HDGFL3: variants seen among roughly 807,000 people sequenced by gnomAD.
HDGFL3 encodes the protein hepatoma-derived growth factor-related protein 3.
HDGFL3 carries 6 observed loss-of-function variants against 27.6 expected under a neutral mutation model. That is an observed-to-expected ratio of 0.22 (90% CI 0.12 to 0.43). The LOEUF is 0.43. HDGFL3 is among the 20% of genes least tolerant of loss of function. The pLI, the probability that HDGFL3 is intolerant of heterozygous loss-of-function variation, is 1.00. For synonymous variants in HDGFL3, 88 were observed against 88.9 expected, an observed-to-expected ratio of 0.99 and a Z score of 0.05; for missense variants, 207 against 250.1, an observed-to-expected ratio of 0.83 and a Z score of 1.16.
Position 83,157,519 on chromosome 15 carries a change from C to A in HDGFL3, c.355G>T (p.Asp119Tyr). The A allele has an allele frequency of 6.2e-7, 1 of 1,613,642 alleles. No individual in the cohort carries two copies. The highest frequency in any genetic ancestry group is 8.5e-7 in the Non-Finnish European group (1 of 1,179,558). Residue 119 changes from aspartate (D) to tyrosine (Y), a missense_variant, in exon 4 of 6, where the codon GAT (aspartate) becomes TAT (tyrosine). By Grantham distance (160) the Asp-to-Tyr change is radical. Transcript: ENST00000299633. ...ETEGEGGNTA[D>Y]ASSEEEGDRV... ...TCACCTTCTTCCTCACTGCTTGCAT[C>A]TGCAGTATTTCCACCTTCTCCCTCA...
At position 83,113,895 on chromosome 15, in the gene HDGFL3, T is replaced by C. The variant is rs1399319774; in HGVS notation, c.*1814A>G. On this transcript the variant is annotated 3_prime_UTR_variant, in exon 4 of 4. Coordinates refer to the HDGFL3 transcript ENST00000568294. The stretch of plus-strand genomic sequence containing the variant: ...AGGGCCAAGCCCATCAGCAACAGCA[T>C]AGGGAGCATTCTCTGCCTACAGTGG... 3.9e-5 allele frequency: 6 copies of C among 152,382 alleles called. No homozygotes were observed. In the East Asian group the frequency reaches 9.7e-4, roughly 25 times the overall value. The allele number at this position is 152,382 out of a possible 1,614,324, so 9.4% of individuals were successfully genotyped here. A position where few individuals can be genotyped will look rare whatever the true frequency, so the allele number is the denominator to read the frequency against.
downstream of HDGFL3, chr15:83,127,550 T>C (rs1263577260): frequency 2.4e-5 from 37 of 1,558,590 alleles, no homozygotes; most frequent in Non-Finnish European, 3.2e-5. Flanking sequence ...GAAAAACTTC[T>C]CTGCTCAGTG....
rs117183647 is a variant in HDGFL3 at position 83,158,752 on chromosome 15, C to T, written c.162-711G>A. On this transcript the variant is annotated intron_variant, in intron 2 of 5. Coordinates refer to ENST00000299633, the MANE Select transcript of HDGFL3 (RefSeq NM_016073.4). ...GTATATATAGGTTTCATACTATCCACGGTTTTAGGCATCCACTGGAGGTCT... is the reference window on the plus strand; with the variant it reads ...GTATATATAGGTTTCATACTATCCATGGTTTTAGGCATCCACTGGAGGTCT... Among the ~76,000 whole-genome samples the T allele has an allele frequency of 3.2e-4, 48 of 152,280 alleles. 1 individual carries two copies. The East Asian group carries it at 8.5e-3, about 27-fold the overall frequency.
downstream of HDGFL3, chr15:83,127,662 T>C (rs965700427): frequency 5.2e-6 from 3 of 572,928 alleles, no homozygotes; most frequent in Non-Finnish European, 9.1e-6. Context: ...ACAATAACTA[T>C]ATGGTAGATG....
At chr15:83,171,376 A>T (rs749051663) in intron 1 of HDGFL3, among the ~76,000 whole-genome samples, 1 of 152,220 alleles carries the variant, frequency 6.6e-6, no homozygotes, top group Non-Finnish European at 1.5e-5. Context: ...CATTTGACCC[A>T]GCAATCCCAT....
In HDGFL3 at chr15:83,139,279, TAA is replaced by T. The variant is rs746488383; in HGVS notation, c.607-6_607-5del. 16,784 of 1,168,728 alleles carry T rather than the reference TAA, an allele frequency of 0.014. No homozygotes were observed. Among genetic ancestry groups the T allele is most frequent in the South Asian group, 0.028 (1,524 of 54,434 alleles). The allele number at this position is 1,168,728 out of a possible 1,614,324, so 72.4% of individuals were successfully genotyped here. ...GCATTCATTATGGTAGTTAGGTCTGTAAAAAAAAAAAAAAGAAAGAAAACAAG... is the reference window on the plus strand; with the variant it reads ...GCATTCATTATGGTAGTTAGGTCTGTAAAAAAAAAAAAGAAAGAAAACAAG... On this transcript the variant is annotated splice_polypyrimidine_tract_variant and splice_region_variant and intron_variant, in intron 5 of 5. Transcript: ENST00000299633.
At chr15:83,179,191 T>C (rs1596561094) in intron 1 of HDGFL3, 2 of 152,320 alleles carry the variant, frequency 1.3e-5, no homozygotes, top group East Asian at 3.8e-4. Flanking sequence ...TGGGGCATTC[T>C]GTTTCGGAGT....
chr15:83,153,400 G>C (rs1327236714), intron 4 of HDGFL3, among the ~76,000 whole-genome samples: 1 of 152,098 alleles, frequency 6.6e-6, no homozygotes, highest in Non-Finnish European at 1.5e-5. Flanking sequence ...TTATAAATTA[G>C]TTTATAAGTA....
intron 5 of HDGFL3, among the ~76,000 whole-genome samples, chr15:83,140,457 A>G (rs571849987): frequency 6.6e-6 from 1 of 150,716 alleles, no homozygotes; most frequent in Admixed American, 6.7e-5. Context: ...AGAACAATGA[A>G]AAATTGTTAG....
intron 3 of HDGFL3, chr15:83,122,655 CATAGCAAAATTTT>C: frequency 7.4e-7 from 1 of 1,342,902 alleles, no homozygotes; most frequent in Non-Finnish European, 1.0e-6. Flanking sequence ...TTGTCTGGCC[CATAGCAAAATTTT>C]AGATGACCTG....
chr15:83,169,881 T>A (rs1002258967), intron 1 of HDGFL3, among the ~76,000 whole-genome samples: 1 of 152,164 alleles, frequency 6.6e-6, no homozygotes, highest in Non-Finnish European at 1.5e-5. Flanking sequence ...AGTTTCTGGA[T>A]ACAAAATCAA....
chr15:83,160,801 C>T (rs1257662172), intron 2 of HDGFL3, among the ~76,000 whole-genome samples: 2 of 152,070 alleles, frequency 1.3e-5, no homozygotes, highest in Non-Finnish European at 2.9e-5. Flanking sequence ...AGGGTTGATC[C>T]CTCGCATTGT....
chr15:83,126,119 T>C (rs2035726847), downstream of HDGFL3, among the ~76,000 whole-genome samples: 1 of 152,112 alleles, frequency 6.6e-6, no homozygotes, highest in Non-Finnish European at 1.5e-5. Context: ...GGCTTTTGGA[T>C]TGGGGCCATT....
Position 83,207,337 on chromosome 15 carries a change from C to A in HDGFL3, c.78G>T (p.Pro26=). 7.2e-7 allele frequency: 1 copy of A among 1,396,024 alleles called. No individual in the cohort carries two copies. Among genetic ancestry groups the A allele is most frequent in the South Asian group, 1.8e-5 (1 of 56,622 alleles). The allele number at this position is 1,396,024 out of a possible 1,614,324, so 86.5% of individuals were successfully genotyped here. ...FAKMKGYPHW[P]ARIDELPEGA... ...GCGCGGCCGCGGTACTCACCCGGGC[C>A]GGCCAGTGCGGGTAGCCCTTCATCT... Residue 26 remains proline, a synonymous_variant, in exon 1 of 6, where the codon CCG becomes CCT. Coordinates refer to ENST00000299633, the MANE Select transcript of HDGFL3 (RefSeq NM_016073.4). The surrounding 1 kb of genome is among the most constrained non-coding windows in gnomAD (Gnocchi z 4.8).
At chr15:83,171,806 T>C (rs1446032379) in intron 1 of HDGFL3, among the ~76,000 whole-genome samples, 2 of 152,166 alleles carry the variant, frequency 1.3e-5, no homozygotes, top group African/African-American at 4.8e-5. Context: ...AATGGGATCA[T>C]TCATACCTAA....
At chr15:83,157,720 C>A in intron 3 of HDGFL3, 147 bp from the exon 4 acceptor site, 1 of 976,116 alleles carries the variant, frequency 1.0e-6, no homozygotes, top group Non-Finnish European at 1.5e-6. Flanking sequence ...CTGAATTTTC[C>A]AATGGACACT....
intron 1 of HDGFL3, among the ~76,000 whole-genome samples, chr15:83,203,212 G>C (rs1389430784): frequency 6.6e-6 from 1 of 152,068 alleles, no homozygotes; most frequent in Non-Finnish European, 1.5e-5. Flanking sequence ...TTTTAGAGTA[G>C]GGGGTAACAT....
Position 83,129,240 on chromosome 15 carries a change from A to C in HDGFL3, c.*10030T>G, listed in dbSNP as rs544397124. 40 of 152,186 alleles carry C rather than the reference A, an allele frequency of 2.6e-4. No homozygotes were observed. The highest frequency in any genetic ancestry group is 9.4e-4 in the African/African-American group (39 of 41,512). The allele number at this position is 152,186 out of a possible 1,614,324, so 9.4% of individuals were successfully genotyped here. ...TACCTTACTTCATGCCAGGCAAACC[A>C]CGTTAAAAGTTTTACTTACCTATTT... On this transcript the variant is annotated 3_prime_UTR_variant, in exon 6 of 6. Transcript: ENST00000299633.
exon 4 of HDGFL3, chr15:83,115,258 C>G (rs2034553278): frequency 5.1e-6 from 1 of 195,346 alleles, no homozygotes; most frequent in African/African-American, 2.4e-5. Flanking sequence ...GCTGGGATTA[C>G]AGGCGTGCAC....
Sources: allele counts gnomAD v4.1 joint callset (sites outside exome capture counted in the v4.1 genomes callset), GRCh38; gene constraint gnomAD v4.1.1; non-coding constraint Gnocchi (gnomAD v3.1); transcripts MANE v1.5; gene names NCBI Gene and HGNC (gene_info 2026-07-23, HGNC 2026-07-21).